The following SUGCT variants were observed in gnomAD, a reference collection of about 807,000 sequenced individuals.
SUGCT encodes succinyl-CoA:glutarate CoA-transferase.
In SUGCT, 41 loss-of-function variants were observed where a neutral mutation model predicts 55.0. That is an observed-to-expected ratio of 0.74 (90% CI 0.58 to 0.97). The LOEUF (loss-of-function observed/expected upper bound fraction) is 0.97, where lower values mean the gene tolerates loss of function less well. Among genes scored for constraint, SUGCT ranks in the 50% least tolerant of loss-of-function variants. SUGCT has a pLI of 0.00. For missense variants in SUGCT, 568 were observed against 547.8 expected, an observed-to-expected ratio of 1.04 and a Z score of -0.37; for synonymous variants, 187 against 200.4, an observed-to-expected ratio of 0.93 and a Z score of 0.56.
chr7:40,342,247 A>T (rs1008328919), intron 9 of SUGCT, among the ~76,000 whole-genome samples: 1 of 152,208 alleles, frequency 6.6e-6, no homozygotes, highest in African/African-American at 2.4e-5. Flanking sequence ...TCTGTAATTC[A>T]TAGAACAACA....
At chr7:40,390,578 G>A (rs1171342985) in intron 9 of SUGCT, among the ~76,000 whole-genome samples, 1 of 152,126 alleles carries the variant, frequency 6.6e-6, no homozygotes, top group Admixed American at 6.5e-5. Context: ...CAAATTACAA[G>A]GGATGTGAAG....
chr7:40,608,570 G>C (rs938428513), intron 12 of SUGCT, among the ~76,000 whole-genome samples: 2 of 152,144 alleles, frequency 1.3e-5, no homozygotes, highest in African/African-American at 4.8e-5. Flanking sequence ...ACAAGGTTAG[G>C]TTTTCAATTT....
intron 9 of SUGCT, among the ~76,000 whole-genome samples, chr7:40,393,329 G>A (rs770340516): frequency 6.6e-6 from 1 of 152,160 alleles, no homozygotes; most frequent in South Asian, 2.1e-4. Flanking sequence ...GCAGTGCTGT[G>A]TAGAGGTCTT....
At chr7:40,568,562 T>G (rs887749766) in intron 12 of SUGCT, among the ~76,000 whole-genome samples, 1 of 152,118 alleles carries the variant, frequency 6.6e-6, no homozygotes, top group African/African-American at 2.4e-5. Context: ...CTTCCAAATA[T>G]AAATGGGCAC....
At chr7:40,290,225 T>G (rs1290261448) in intron 8 of SUGCT, among the ~76,000 whole-genome samples, 2 of 152,152 alleles carry the variant, frequency 1.3e-5, no homozygotes, top group African/African-American at 4.8e-5. Flanking sequence ...AGAACAAAGC[T>G]GGAGGCAGCA....
the SUGCT span, among the ~76,000 whole-genome samples, chr7:40,905,851 T>C: frequency 1.7e-4 from 26 of 152,156 alleles, no homozygotes; most frequent in South Asian, 1.2e-3. Context: ...CCCAAGTAGT[T>C]GGGACCCCAG....
chr7:40,826,331 A>AT (rs199986715), intron 13 of SUGCT, among the ~76,000 whole-genome samples: 108 of 151,790 alleles, frequency 7.1e-4, no homozygotes, highest in Middle Eastern at 3.4e-3. Flanking sequence ...ATATTTTATG[A>AT]TTTTTTTTTC....
chr7:40,248,883 C>T (rs926774730), intron 7 of SUGCT, among the ~76,000 whole-genome samples: 9 of 128,170 alleles, frequency 7.0e-5, no homozygotes, highest in South Asian at 2.6e-4. Flanking sequence ...CGCGCGCGCG[C>T]GCTCGCACAC....
chr7:40,570,566 T>G (rs775007915), intron 12 of SUGCT, among the ~76,000 whole-genome samples: 18 of 152,226 alleles, frequency 1.2e-4, no homozygotes, highest in Non-Finnish European at 2.6e-4. Flanking sequence ...GCCCTTAAGT[T>G]AAACATCACC....
the SUGCT span, among the ~76,000 whole-genome samples, chr7:40,993,439 T>C: frequency 2.6e-5 from 4 of 152,082 alleles, no homozygotes; most frequent in Non-Finnish European, 5.9e-5. Context: ...AGTCAGGAAG[T>C]GTTGGTAGAA....
chr7:40,962,384 C>T, the SUGCT span, among the ~76,000 whole-genome samples: 3 of 152,236 alleles, frequency 2.0e-5, no homozygotes, highest in East Asian at 5.8e-4. Context: ...CAAGTCCCCA[C>T]CTGACCCAGA....
chr7:40,284,065 G>T (rs1793149976), intron 8 of SUGCT, among the ~76,000 whole-genome samples: 1 of 151,280 alleles, frequency 6.6e-6, no homozygotes, highest in Admixed American at 6.6e-5. Flanking sequence ...ATATCACATG[G>T]TCTCGTATAT....
At chr7:40,388,400 C>G (rs1785237063) in intron 9 of SUGCT, among the ~76,000 whole-genome samples, 1 of 152,018 alleles carries the variant, frequency 6.6e-6, no homozygotes, top group African/African-American at 2.4e-5. Flanking sequence ...TTGAAAGCAA[C>G]AGAAATCAGA....
chr7:40,276,129 A>T (rs946880564), intron 8 of SUGCT, among the ~76,000 whole-genome samples: 20 of 152,232 alleles, frequency 1.3e-4, no homozygotes, highest in Admixed American at 1.2e-3. Flanking sequence ...TGAAAATGAA[A>T]TACTATGTAT....
chr7:40,776,533 A>G (rs1584424094), intron 13 of SUGCT, among the ~76,000 whole-genome samples: 1 of 152,300 alleles, frequency 6.6e-6, no homozygotes, highest in African/African-American at 2.4e-5. Context: ...TGGAAGTTCC[A>G]TAGTTATTAA....
chr7:40,728,396 G>A (rs904964153), intron 12 of SUGCT, among the ~76,000 whole-genome samples: 4 of 152,144 alleles, frequency 2.6e-5, no homozygotes, highest in African/African-American at 9.7e-5. Context: ...GTGGGTGCCT[G>A]TAATTCCAGC....
chr7:40,523,504 A>C (rs1315568975), intron 12 of SUGCT, among the ~76,000 whole-genome samples: 3 of 152,120 alleles, frequency 2.0e-5, no homozygotes, highest in Non-Finnish European at 4.4e-5. Flanking sequence ...GATTGCTAGA[A>C]AAAACTTCCA....
intron 13 of SUGCT, among the ~76,000 whole-genome samples, chr7:40,847,817 G>A (rs1793651955): frequency 1.3e-5 from 2 of 151,976 alleles, no homozygotes; most frequent in African/African-American, 4.8e-5. Flanking sequence ...CTAGTATAAA[G>A]GAAAGTAAAA....
intron 1 of SUGCT, chr7:40,154,127 A>G (rs1036594315): frequency 6.3e-5 from 14 of 221,028 alleles, no homozygotes; most frequent in African/African-American, 2.6e-4. Context: ...TTCATCCTTC[A>G]GAACAAGATG....
Sources: gnomAD v4.1 joint callset for allele counts (sites outside exome capture counted in the v4.1 genomes callset) on GRCh38, gnomAD v4.1.1 for gene constraint, MANE v1.5 for transcripts, NCBI Gene and HGNC (gene_info 2026-07-23, HGNC 2026-07-21) for gene names.